ARPP21: variants seen among roughly 807,000 people sequenced by gnomAD.
The protein encoded by ARPP21 is cAMP-regulated phosphoprotein 21.
In ARPP21, 69 loss-of-function variants were observed where a neutral mutation model predicts 113.2. That is an observed-to-expected ratio of 0.61 (90% CI 0.50 to 0.74). The LOEUF (loss-of-function observed/expected upper bound fraction) is 0.74, where lower values mean the gene tolerates loss of function less well. ARPP21 is among the 30% of genes least tolerant of loss of function. The pLI is 0.00. For missense variants in ARPP21, 1,070 were observed against 1,037.4 expected (o/e 1.03, Z -0.43); for synonymous variants, 368 against 375.5 (o/e 0.98, Z 0.23).
chr3:35,770,692 G>A (rs914730747), intron 19 of ARPP21, among the ~76,000 whole-genome samples: 5 of 152,170 alleles, frequency 3.3e-5, no homozygotes, highest in Non-Finnish European at 7.4e-5. Context: ...TTGGTAGATA[G>A]CCTGCCAGAA....
chr3:35,769,062 CT>C (rs2096095880), intron 19 of ARPP21, among the ~76,000 whole-genome samples: 1 of 152,166 alleles, frequency 6.6e-6, no homozygotes, highest in Non-Finnish European at 1.5e-5. Context: ...CTCTCACTCT[CT>C]GTCTATACAT....
At chr3:35,655,062 T>C (rs1704165345) in intron 1 of ARPP21, among the ~76,000 whole-genome samples, 1 of 151,934 alleles carries the variant, frequency 6.6e-6, no homozygotes, top group Non-Finnish European at 1.5e-5. Flanking sequence ...TATTTTACAT[T>C]ATGTACATAA....
intron 19 of ARPP21, among the ~76,000 whole-genome samples, chr3:35,782,216 A>G (rs2096540694): frequency 6.6e-6 from 1 of 152,200 alleles, no homozygotes; most frequent in South Asian, 2.1e-4. Flanking sequence ...TGTCCATTTT[A>G]GTAAATAATA....
chr3:35,791,340 T>A (rs2096743146), intron 19 of ARPP21, among the ~76,000 whole-genome samples: 1 of 152,178 alleles, frequency 6.6e-6, no homozygotes, highest in Non-Finnish European at 1.5e-5. Context: ...TTAAAGATTC[T>A]TTTCTCTCAG....
At chr3:35,741,708 G>A (rs1240913341) in intron 18 of ARPP21, among the ~76,000 whole-genome samples, 3 of 152,070 alleles carry the variant, frequency 2.0e-5, no homozygotes, top group African/African-American at 7.2e-5. Flanking sequence ...ATTTTAACAT[G>A]ATTGGCTGAA....
In ARPP21 at chr3:35,793,867, A is replaced by G; in HGVS notation, c.2453A>G (p.His818Arg). The change falls in exon 21 of 21, where the codon CAC becomes CGC. Residue 818 changes from histidine to arginine, a missense_variant. Coordinates refer to ENST00000684406, the MANE Select transcript of ARPP21 (RefSeq NM_001385562.1). Reference protein sequence around the residue: ...PQNNLRLIGPHCPSSTVPVMS... With the variant: ...PQNNLRLIGPRCPSSTVPVMS... ...AACAACCTTAGGCTGATTGGCCCAC[A>G]CTGCCCCTCCAGCACTGTCCCAGTG... The G allele has an allele frequency of 2.5e-6, 4 of 1,614,122 alleles. No homozygotes were observed. Among genetic ancestry groups the G allele is most frequent in the Non-Finnish European group, 3.4e-6 (4 of 1,179,996 alleles).
At chr3:35,748,067 G>GAAGGAAGGAAGAAAGA (rs1180382135) in intron 19 of ARPP21, among the ~76,000 whole-genome samples, 2 of 86,958 alleles carry the variant, frequency 2.3e-5, no homozygotes, top group Non-Finnish European at 4.5e-5. Flanking sequence ...AAGAAGGAAG[G>GAAGGAAGGAAGAAAGA]AAGAAAGAAA....
Position 35,739,553 on chromosome 3 carries a change from T to A in ARPP21, c.1986T>A (p.Phe662Leu). The change falls in exon 18 of 21, where the codon TTT (phenylalanine) becomes TTA (leucine). Residue 662 changes from phenylalanine to leucine, a missense_variant. Coordinates refer to ENST00000684406, the MANE Select transcript of ARPP21 (RefSeq NM_001385562.1). ...AGCCCCCTCCCTCACCACAGGGATT[T>A]GTGCAACAGCCTCCGCCTGCACAGG... ...VLQPPPSPQG[F>L]VQQPPPAQMP... The A allele has an allele frequency of 6.2e-7, 1 of 1,613,660 alleles. No individual in the cohort carries two copies. The highest frequency in any genetic ancestry group is 8.5e-7 in the Non-Finnish European group (1 of 1,179,732).
chr3:35,674,033 C>T (rs1318440744), intron 1 of ARPP21, among the ~76,000 whole-genome samples: 2 of 151,830 alleles, frequency 1.3e-5, no homozygotes, highest in Non-Finnish European at 2.9e-5. Flanking sequence ...ATAGAAATAA[C>T]TGAAAATAAA....
At chr3:35,750,128 T>C (rs1183327310) in intron 19 of ARPP21, among the ~76,000 whole-genome samples, 2 of 151,196 alleles carry the variant, frequency 1.3e-5, no homozygotes, top group Non-Finnish European at 3.0e-5. Context: ...TTTTTTTTTT[T>C]TTTGGTGGTT....
chr3:35,673,940 A>T (rs1004754458), intron 1 of ARPP21, among the ~76,000 whole-genome samples: 1 of 151,908 alleles, frequency 6.6e-6, no homozygotes, highest in South Asian at 2.1e-4. Flanking sequence ...TTTGTGTTGA[A>T]TTGTATGTTT....
At chr3:35,766,601 G>T (rs1246885431) in intron 19 of ARPP21, among the ~76,000 whole-genome samples, 1 of 152,102 alleles carries the variant, frequency 6.6e-6, no homozygotes, top group East Asian at 1.9e-4. Context: ...GTCCTACCCT[G>T]CTCAAACGCA....
intron 12 of ARPP21, 27 bp downstream of exon 12, chr3:35,715,503 CT>C: frequency 6.3e-7 from 1 of 1,584,392 alleles, no homozygotes; most frequent in Non-Finnish European, 8.7e-7. Flanking sequence ...TTTTCCATGT[CT>C]TTAGAGGAAC....
At chr3:35,684,009 G>GT (rs2079787703) in intron 5 of ARPP21, 194 bp downstream of exon 5, 6 of 1,557,712 alleles carry the variant, frequency 3.9e-6, no homozygotes, top group South Asian at 1.1e-5. Flanking sequence ...TATTAAATTT[G>GT]TTTTTTTCCA....
chr3:35,678,005 A>T (rs2077952902), intron 1 of ARPP21, among the ~76,000 whole-genome samples: 1 of 151,970 alleles, frequency 6.6e-6, no homozygotes, highest in Admixed American at 6.6e-5. Flanking sequence ...CAGGCATGCA[A>T]GAATAATACC....
chr3:35,686,260 GA>G (rs1398426687), intron 5 of ARPP21, among the ~76,000 whole-genome samples: 1 of 151,606 alleles, frequency 6.6e-6, no homozygotes. Context: ...CCTATCCCTA[GA>G]ACCTGCCTGA....
intron 19 of ARPP21, among the ~76,000 whole-genome samples, chr3:35,781,150 T>G (rs2096517804): frequency 2.0e-5 from 3 of 152,156 alleles, no homozygotes; most frequent in Non-Finnish European, 4.4e-5. Flanking sequence ...GTGAGGGAGC[T>G]CCTCTGCAGC....
Position 35,776,399 on chromosome 3 carries a change from C to T in ARPP21, c.2138-15983C>T, listed in dbSNP as rs571595113. ...ATAGTCTAACAAGTTAGAAGACAAG[C>T]CCTTCATGACAGCAGCTGGCCAGGG... On this transcript the variant is annotated intron_variant, in intron 19 of 20. Coordinates refer to ENST00000684406, the MANE Select transcript of ARPP21 (RefSeq NM_001385562.1). Among the ~76,000 whole-genome samples the T allele has an allele frequency of 1.1e-4, 17 of 152,198 alleles. No individual in the cohort carries two copies. In the East Asian group the frequency reaches 3.1e-3, roughly 28 times the overall value.
At chr3:35,788,307 G>A (rs73828915) in intron 19 of ARPP21, among the ~76,000 whole-genome samples, 1 of 152,246 alleles carries the variant, frequency 6.6e-6, no homozygotes, top group African/African-American at 2.4e-5. Context: ...CAGAATCAGG[G>A]CTCTTGCTGG....
Sources: gnomAD v4.1 joint callset for allele counts (sites outside exome capture counted in the v4.1 genomes callset) on GRCh38, gnomAD v4.1.1 for gene constraint, MANE v1.5 for transcripts, NCBI Gene and HGNC (gene_info 2026-07-23, HGNC 2026-07-21) for gene names.